Variants in TMEM114 observed in about 807,000 individuals in gnomAD.
TMEM114 encodes claudin-26.
In TMEM114, 6 loss-of-function variants were observed where a neutral mutation model predicts 6.2. That is an observed-to-expected ratio of 0.97 (90% CI 0.53 to 1.91). TMEM114 has a LOEUF of 1.91. Ranked by LOEUF, TMEM114 falls within the 40% of genes most tolerant of loss-of-function variation. TMEM114 has a pLI of 0.01. For synonymous variants in TMEM114, 104 were observed against 73.0 expected, an observed-to-expected ratio of 1.42 and a Z score of -2.16; for missense variants, 218 against 158.3, an observed-to-expected ratio of 1.38 and a Z score of -2.02.
intron 2 of TMEM114, among the ~76,000 whole-genome samples, chr16:8,563,733 G>A (rs886642310): frequency 2.7e-5 from 4 of 150,448 alleles, no homozygotes; most frequent in South Asian, 2.1e-4. Flanking sequence ...GAGTCAGTGA[G>A]TGAATGAATG....
chr16:8,544,456 G>C (rs11867018), intron 2 of TMEM114, among the ~76,000 whole-genome samples: 61,559 of 152,016 alleles, frequency 0.4, 12,752 homozygotes, highest in Middle Eastern at 0.51. Context: ...TGGATATGTA[G>C]GGGTTCACCA....
chr16:8,561,280 A>G (rs1270210203), intron 2 of TMEM114, among the ~76,000 whole-genome samples: 2 of 152,240 alleles, frequency 1.3e-5, no homozygotes, highest in Non-Finnish European at 2.9e-5. Flanking sequence ...TAATCAAGGC[A>G]AAATTAGGAG....
chr16:8,581,384 C>T (rs1902142957), intron 2 of TMEM114, among the ~76,000 whole-genome samples: 1 of 152,154 alleles, frequency 6.6e-6, no homozygotes, highest in Non-Finnish European at 1.5e-5. Context: ...CTATACAGAC[C>T]TTGTTTTTCA....
Position 8,546,691 on chromosome 16 carries a change from A to T in TMEM114, n.213-8865T>A, listed in dbSNP as rs145081430. ...GGATAAACCCAAGAAAGCTAACCAG[A>T]TACCCCTACCAGATCACAGCAGATG... On this transcript the variant is annotated intron_variant and non_coding_transcript_variant, in intron 2 of 2. Coordinates refer to the TMEM114 transcript ENST00000623677. Among the ~76,000 whole-genome samples, 19 of 152,334 alleles carry T rather than the reference A, an allele frequency of 1.2e-4. No homozygotes were observed. The East Asian group carries it at 3.7e-3, about 29-fold the overall frequency.
At chr16:8,543,251 C>T (rs1044725115) in intron 2 of TMEM114, among the ~76,000 whole-genome samples, 1 of 152,160 alleles carries the variant, frequency 6.6e-6, no homozygotes, top group Admixed American at 6.5e-5. Context: ...CATTTTTAAA[C>T]ACATAATTTA....
chr16:8,528,532 A>G, the TMEM114 span, among the ~76,000 whole-genome samples: 112,694 of 151,996 alleles, frequency 0.74, 42,002 homozygotes, highest in African/African-American at 0.77. Context: ...TGAGGAGGGG[A>G]GCATGCTTTC....
At chr16:8,548,378 T>A (rs2141656012) in intron 2 of TMEM114, among the ~76,000 whole-genome samples, 1 of 152,314 alleles carries the variant, frequency 6.6e-6, no homozygotes, top group East Asian at 1.9e-4. Flanking sequence ...CTCTATAGCT[T>A]CCTACAGTCA....
chr16:8,554,282 A>G (rs1483190516), intron 2 of TMEM114, among the ~76,000 whole-genome samples: 1 of 152,144 alleles, frequency 6.6e-6, no homozygotes, highest in African/African-American at 2.4e-5. Flanking sequence ...AGGGGCGGAC[A>G]GAGTGGCTCA....
At chr16:8,528,405 C>T in the TMEM114 span, among the ~76,000 whole-genome samples, 1 of 152,190 alleles carries the variant, frequency 6.6e-6, no homozygotes, top group African/African-American at 2.4e-5. Context: ...TAGGCATCAA[C>T]ACTCTGCTGC....
chr16:8,535,134 T>G (rs192615232), downstream of TMEM114, among the ~76,000 whole-genome samples: 298 of 152,296 alleles, frequency 2.0e-3, 2 homozygotes, highest in African/African-American at 6.9e-3. Context: ...TGAGTCTCTG[T>G]GTCCCCCATC....
intron 2 of TMEM114, among the ~76,000 whole-genome samples, chr16:8,552,416 G>C (rs767599814): frequency 4.0e-5 from 6 of 151,828 alleles, no homozygotes; most frequent in Non-Finnish European, 8.8e-5. Context: ...ACAAAGGGTA[G>C]CTACTTAGAG....
chr16:8,564,325 GTTAGAGAA>G (rs1330161474), intron 2 of TMEM114, among the ~76,000 whole-genome samples: 1 of 144,418 alleles, frequency 6.9e-6, no homozygotes, highest in African/African-American at 2.6e-5. Context: ...GAATGAGTGA[GTTAGAGAA>G]TGAGTCAGTG....
chr16:8,540,618 T>A (rs1900491094), intron 2 of TMEM114, among the ~76,000 whole-genome samples: 1 of 141,496 alleles, frequency 7.1e-6, no homozygotes, highest in African/African-American at 3.0e-5. Flanking sequence ...GAAGTAGAAT[T>A]CAATTCATTC....
chr16:8,563,821 G>GTGAA (rs1901393388), intron 2 of TMEM114, among the ~76,000 whole-genome samples: 1 of 140,842 alleles, frequency 7.1e-6, no homozygotes, highest in African/African-American at 2.6e-5. Flanking sequence ...GAATGAGTGA[G>GTGAA]TGAGTGAATG....
the TMEM114 span, among the ~76,000 whole-genome samples, chr16:8,531,636 G>A: frequency 3.3e-5 from 5 of 152,218 alleles, no homozygotes; most frequent in Non-Finnish European, 5.9e-5. Flanking sequence ...TGAAAGAGAT[G>A]TGTGATTTTT....
At chr16:8,551,805 C>T (rs1345729051) in intron 2 of TMEM114, among the ~76,000 whole-genome samples, 1 of 152,168 alleles carries the variant, frequency 6.6e-6, no homozygotes, top group East Asian at 1.9e-4. Flanking sequence ...AATGTAAAAC[C>T]CATGGCCATA....
chr16:8,539,199 G>A (rs913515584), intron 2 of TMEM114, among the ~76,000 whole-genome samples: 2 of 152,064 alleles, frequency 1.3e-5, no homozygotes, highest in African/African-American at 4.8e-5. Context: ...CTGAATAAAC[G>A]TTTGAGGATC....
At chr16:8,536,784 G>A (rs1047905003), downstream of TMEM114, among the ~76,000 whole-genome samples, 1 of 152,128 alleles carries the variant, frequency 6.6e-6, no homozygotes, top group African/African-American at 2.4e-5. Context: ...AATCACCACT[G>A]TTCATGGTCT....
At chr16:8,563,764 AAT>A (rs1901387896) in intron 2 of TMEM114, among the ~76,000 whole-genome samples, 1 of 139,670 alleles carries the variant, frequency 7.2e-6, no homozygotes, top group African/African-American at 2.6e-5. Flanking sequence ...TAAGTGAGGG[AAT>A]GAGTGAGTGA....
Sources: gnomAD v4.1 joint callset for allele counts (sites outside exome capture counted in the v4.1 genomes callset) on GRCh38, gnomAD v4.1.1 for gene constraint, MANE v1.5 for transcripts, NCBI Gene and HGNC (gene_info 2026-07-23, HGNC 2026-07-21) for gene names.